The following STRN3 variants were observed in gnomAD, a reference collection of about 807,000 sequenced individuals.
The protein encoded by STRN3 is striatin-3.
Under a neutral mutation model 95.6 loss-of-function variants are expected in STRN3, and 29 were observed. That is an observed-to-expected ratio of 0.30 (90% CI 0.23 to 0.41). STRN3 has a LOEUF of 0.41. STRN3 is among the 10% of genes least tolerant of loss of function. The pLI, the probability that STRN3 is intolerant of heterozygous loss-of-function variation, is 1.00. For missense variants in STRN3, 890 were observed against 972.1 expected (o/e 0.92, Z 1.12); for synonymous variants, 331 against 357.6 (o/e 0.93, Z 0.84).
intron 8 of STRN3, among the ~76,000 whole-genome samples, chr14:30,925,230 G>A (rs1035247602): frequency 1.3e-5 from 2 of 151,424 alleles, no homozygotes; most frequent in Non-Finnish European, 2.9e-5. Context: ...CTGGGGGGAG[G>A]GGGCGGGCAG....
chr14:31,024,079 A>C (rs1371814857), intron 1 of STRN3, among the ~76,000 whole-genome samples: 2 of 152,220 alleles, frequency 1.3e-5, no homozygotes, highest in African/African-American at 4.8e-5. Flanking sequence ...AGAGCAGGCA[A>C]TAAAGGCTTC....
intron 1 of STRN3, among the ~76,000 whole-genome samples, chr14:30,965,301 G>A (rs1192268768): frequency 2.0e-5 from 3 of 152,168 alleles, no homozygotes; most frequent in African/African-American, 7.2e-5. Flanking sequence ...CTCCCAGTTT[G>A]CTGCAGAATC....
chr14:31,006,658 G>A (rs1323221977), intron 1 of STRN3, among the ~76,000 whole-genome samples: 1 of 151,910 alleles, frequency 6.6e-6, no homozygotes, highest in Non-Finnish European at 1.5e-5. Context: ...TCGCGCCACT[G>A]CACTCCAGCC....
At chr14:31,004,783 A>C (rs913546842) in intron 1 of STRN3, among the ~76,000 whole-genome samples, 6 of 152,170 alleles carry the variant, frequency 3.9e-5, no homozygotes, top group Non-Finnish European at 8.8e-5. Context: ...TGAAAAAAAA[A>C]ATTTTTTTTT....
At chr14:30,956,357 T>A in intron 1 of STRN3, 115 bp from the exon 2 acceptor site, 1 of 993,242 alleles carries the variant, frequency 1.0e-6, no homozygotes, top group East Asian at 2.6e-5. Flanking sequence ...ATCAAGATTT[T>A]AAATTCATAA....
rs572046513 is a variant in STRN3 at position 30,980,543 on chromosome 14, G to C, written c.283-24301C>G. Among the ~76,000 whole-genome samples the C allele has an allele frequency of 1.1e-4, 16 of 152,014 alleles. No homozygotes were observed. The East Asian group carries it at 3.1e-3, about 30-fold the overall frequency. ...CTGCCTCAGCCTCCCGAGTTGCTGG[G>C]ATTACAGGCACCCGCCACCACGCCC... On this transcript the variant is annotated intron_variant, in intron 1 of 17. Transcript: ENST00000357479.
intron 1 of STRN3, among the ~76,000 whole-genome samples, chr14:30,992,669 C>A (rs1882019342): frequency 1.3e-5 from 2 of 151,160 alleles, no homozygotes; most frequent in African/African-American, 2.4e-5. Flanking sequence ...GCTACTGGTG[C>A]TCAGCTCAAT....
At position 30,989,733 on chromosome 14, in the gene STRN3, C is replaced by T. The variant is rs183717943; in HGVS notation, c.283-33491G>A. The stretch of plus-strand genomic sequence containing the variant: ...TCAGCCTCCCAAAGTGCTGGGATTA[C>T]AGGCGTGAGCCACCGCGCCCGGACA... On this transcript the variant is annotated intron_variant, in intron 1 of 17. Coordinates refer to ENST00000357479, the MANE Select transcript of STRN3 (RefSeq NM_001083893.2). 3.2e-3 allele frequency among the ~76,000 whole-genome samples: 484 copies of T among 152,256 alleles called. 2 individuals are homozygous for T. Among genetic ancestry groups the T allele is most frequent in the Non-Finnish European group, 5.2e-3 (353 of 68,036 alleles).
chr14:30,944,725 C>G (rs1032463323), intron 5 of STRN3, among the ~76,000 whole-genome samples: 1 of 150,880 alleles, frequency 6.6e-6, no homozygotes, highest in Non-Finnish European at 1.5e-5. Flanking sequence ...TCAAGCGATC[C>G]TCCCACCTCA....
At position 31,026,239 on chromosome 14, in the gene STRN3, G is replaced by C; in HGVS notation, c.-54C>G. Reference sequence around the variant, plus strand: ...GGCGAGACGCCGACAGCTGGGGGAAGGGCCGGAGAGGGTGGCCCCGCGCTG... The same window carrying C: ...GGCGAGACGCCGACAGCTGGGGGAACGGCCGGAGAGGGTGGCCCCGCGCTG... On this transcript the variant is annotated 5_prime_UTR_variant, in exon 1 of 18. Coordinates refer to ENST00000357479, the MANE Select transcript of STRN3 (RefSeq NM_001083893.2). The C allele has an allele frequency of 1.5e-6, 2 of 1,363,706 alleles. No homozygotes were observed. Among genetic ancestry groups the C allele is most frequent in the Non-Finnish European group, 1.9e-6 (2 of 1,066,120 alleles). 84.5% of individuals were successfully genotyped at this position (1,363,706 alleles called of 1,614,324 possible). A position where few individuals can be genotyped will look rare whatever the true frequency, so the allele number is the denominator to read the frequency against.
At chr14:30,973,994 CA>C (rs2139203211) in intron 1 of STRN3, among the ~76,000 whole-genome samples, 1 of 152,296 alleles carries the variant, frequency 6.6e-6, no homozygotes, top group African/African-American at 2.4e-5. Context: ...GAAAAGCCTA[CA>C]GCTAACATAG....
In STRN3 at chr14:31,025,792, G is replaced by A. The variant is rs1169705066; in HGVS notation, c.282+112C>T. ...ATCACAACCTGAGCAGCACAGGTAG[G>A]TTCCGCTCGGCCTCCCAAGGCGCCG... On this transcript the variant is annotated intron_variant, in intron 1 of 17. Transcript: ENST00000357479. 12 of 1,443,202 alleles carry A rather than the reference G, an allele frequency of 8.3e-6. No individual in the cohort carries two copies. In the South Asian group the frequency reaches 1.2e-4, roughly 14 times the overall value. The allele number at this position is 1,443,202 out of a possible 1,614,324, so 89.4% of individuals were successfully genotyped here. A position where few individuals can be genotyped will look rare whatever the true frequency, so the allele number is the denominator to read the frequency against.
chr14:30,981,265 G>A (rs377328880), intron 1 of STRN3, among the ~76,000 whole-genome samples: 1 of 152,128 alleles, frequency 6.6e-6, no homozygotes, highest in Non-Finnish European at 1.5e-5. Context: ...AGGGAACTAT[G>A]ACTGCACCAC....
intron 1 of STRN3, among the ~76,000 whole-genome samples, chr14:31,003,796 TAAAAAA>T (rs35951887): frequency 8.7e-6 from 1 of 115,478 alleles, no homozygotes; most frequent in Non-Finnish European, 1.7e-5. Flanking sequence ...ACATCTTTCT[TAAAAAA>T]AAAAAAAAAA....
rs1566437604 is a variant in STRN3 at position 30,923,434 on chromosome 14, GA to G, written c.1100-4329del. The stretch of plus-strand genomic sequence containing the variant: ...TTCAAATGTATTGATAATCAGGCCA[GA>G]AGGTGCATAGCAATTCTGCAACACC... On this transcript the variant is annotated intron_variant, in intron 8 of 17. Transcript: ENST00000357479. Among the ~76,000 whole-genome samples the G allele has an allele frequency of 5.9e-5, 9 of 152,258 alleles. No individual in the cohort carries two copies. In the South Asian group the frequency reaches 1.9e-3, roughly 32 times the overall value.
At position 30,894,631 on chromosome 14, in the gene STRN3, T is replaced by G; in HGVS notation, c.*780A>C. On this transcript the variant is annotated 3_prime_UTR_variant, in exon 18 of 18. Coordinates refer to ENST00000357479, the MANE Select transcript of STRN3 (RefSeq NM_001083893.2). ...AGTCCTTGGTTTATGAAGACATTTATGTGATGATGAAAGTTATTTAGCATC... is the reference window on the plus strand; with the variant it reads ...AGTCCTTGGTTTATGAAGACATTTAGGTGATGATGAAAGTTATTTAGCATC... 6.4e-6 allele frequency: 1 copy of G among 156,876 alleles called. No individual in the cohort carries two copies. Among genetic ancestry groups the G allele is most frequent in the Non-Finnish European group, 1.4e-5 (1 of 70,970 alleles). 9.7% of individuals were successfully genotyped at this position (156,876 alleles called of 1,614,324 possible). A position where few individuals can be genotyped will look rare whatever the true frequency, so the allele number is the denominator to read the frequency against.
At chr14:31,024,277 A>G (rs1260334564) in intron 1 of STRN3, among the ~76,000 whole-genome samples, 1 of 152,194 alleles carries the variant, frequency 6.6e-6, no homozygotes, top group Non-Finnish European at 1.5e-5. Context: ...TTATTTAGTG[A>G]GCTTAGGCCT....
intron 8 of STRN3, among the ~76,000 whole-genome samples, chr14:30,919,384 T>C (rs943967943): frequency 2.6e-5 from 4 of 151,606 alleles, no homozygotes; most frequent in Admixed American, 2.6e-4. Flanking sequence ...TATATATATC[T>C]CCACAGAATA....
intron 1 of STRN3, among the ~76,000 whole-genome samples, chr14:30,960,540 T>C (rs1201168352): frequency 2.6e-5 from 4 of 151,998 alleles, no homozygotes; most frequent in East Asian, 1.9e-4. Flanking sequence ...GCTTCAAAAA[T>C]GGTGCTTAGT....
Sources: allele counts gnomAD v4.1 joint callset (sites outside exome capture counted in the v4.1 genomes callset), GRCh38; gene constraint gnomAD v4.1.1; transcripts MANE v1.5; gene names NCBI Gene and HGNC (gene_info 2026-07-23, HGNC 2026-07-21).